Variants in DAGLA observed in about 807,000 individuals in gnomAD.
The protein encoded by DAGLA is diacylglycerol lipase-alpha.
Under a neutral mutation model 102.6 loss-of-function variants are expected in DAGLA, and 22 were observed. The observed-to-expected ratio is 0.21, with a 90% CI of 0.15 to 0.31. The LOEUF (loss-of-function observed/expected upper bound fraction) is 0.31. DAGLA is among the 10% of genes least tolerant of loss of function. The pLI, the probability that DAGLA is intolerant of heterozygous loss-of-function variation, is 1.00. For missense variants in DAGLA, 927 were observed against 1,446.6 expected (o/e 0.64, Z 5.83); for synonymous variants, 578 against 628.9 (o/e 0.92, Z 1.21).
intron 1 of DAGLA, among the ~76,000 whole-genome samples, chr11:61,700,356 C>G (rs1195603520): frequency 6.6e-6 from 1 of 152,234 alleles, no homozygotes; most frequent in Non-Finnish European, 1.5e-5. Flanking sequence ...TTCAACCAGT[C>G]CCTGCCCTGA....
At chr11:61,737,121 G>A in intron 13 of DAGLA, 61 bp from the exon 14 acceptor site, 1 of 1,608,096 alleles carries the variant, frequency 6.2e-7, no homozygotes, top group Non-Finnish European at 8.5e-7. Context: ...CCCTTGGGTT[G>A]GCTAAGACAG....
intron 1 of DAGLA, among the ~76,000 whole-genome samples, chr11:61,691,088 C>T (rs749032717): frequency 5.9e-5 from 9 of 152,196 alleles, no homozygotes; most frequent in East Asian, 3.9e-4. Context: ...ATGGAGGGCT[C>T]GGGGCACCTG....
intron 1 of DAGLA, among the ~76,000 whole-genome samples, chr11:61,696,014 G>C (rs758398673): frequency 6.6e-6 from 1 of 152,226 alleles, no homozygotes; most frequent in African/African-American, 2.4e-5. Context: ...GCCCAAAGAC[G>C]GCAGCCTGCG....
chr11:61,722,265 T>A (rs948852610), intron 3 of DAGLA, among the ~76,000 whole-genome samples: 2 of 152,310 alleles, frequency 1.3e-5, no homozygotes, highest in East Asian at 3.9e-4. Flanking sequence ...ATTCCACAGT[T>A]CAGACATGAT....
intron 5 of DAGLA, 77 bp from the exon 6 acceptor site, chr11:61,725,918 G>A (rs1034294524): frequency 2.2e-6 from 3 of 1,374,034 alleles, no homozygotes; most frequent in Non-Finnish European, 3.1e-6. Context: ...AGCCTGCCCT[G>A]TTTCCATAAC....
chr11:61,690,246 G>A (rs546104578), intron 1 of DAGLA, among the ~76,000 whole-genome samples: 1 of 152,180 alleles, frequency 6.6e-6, no homozygotes. Context: ...TGACACCTTC[G>A]CTGGGACTGG....
chr11:61,688,903 C>T (rs1210974790), intron 1 of DAGLA, among the ~76,000 whole-genome samples: 1 of 152,248 alleles, frequency 6.6e-6, no homozygotes, highest in Non-Finnish European at 1.5e-5. Context: ...TTCTCATCAG[C>T]TTTACTCGGA....
At chr11:61,687,493 G>A (rs1371887401) in intron 1 of DAGLA, among the ~76,000 whole-genome samples, 5 of 152,088 alleles carry the variant, frequency 3.3e-5, no homozygotes, top group African/African-American at 9.7e-5. Context: ...CACCACGTCC[G>A]GCTGATTTTT....
intron 10 of DAGLA, among the ~76,000 whole-genome samples, 183 bp downstream of exon 10, chr11:61,735,185 TG>T (rs1181610022): frequency 5.3e-5 from 8 of 152,164 alleles, no homozygotes; most frequent in African/African-American, 1.9e-4. Flanking sequence ...GACCCTGGCT[TG>T]CCTGTACCAC....
chr11:61,732,839 G>A (rs1240269443), intron 9 of DAGLA, among the ~76,000 whole-genome samples: 6 of 152,120 alleles, frequency 3.9e-5, no homozygotes, highest in Non-Finnish European at 8.8e-5. Flanking sequence ...CATCTGCCTC[G>A]GGCCCAGGCC....
At chr11:61,689,598 G>A (rs994682156) in intron 1 of DAGLA, among the ~76,000 whole-genome samples, 4 of 151,596 alleles carry the variant, frequency 2.6e-5, no homozygotes, top group African/African-American at 9.7e-5. Flanking sequence ...TCTACCTCCT[G>A]GGTTCACGCC....
intron 9 of DAGLA, 111 bp downstream of exon 9, chr11:61,731,552 A>T: frequency 7.1e-7 from 1 of 1,415,882 alleles, no homozygotes; most frequent in South Asian, 1.3e-5. Context: ...CTTCTTTTCT[A>T]CACCTTCTCT....
intron 1 of DAGLA, among the ~76,000 whole-genome samples, chr11:61,707,116 G>A (rs577509379): frequency 3.7e-4 from 56 of 152,298 alleles, no homozygotes; most frequent in African/African-American, 7.9e-4. Context: ...CCAAACTCCC[G>A]CCCCCTCCCT....
chr11:61,714,417 C>T (rs1017428397), intron 1 of DAGLA, among the ~76,000 whole-genome samples: 1 of 152,232 alleles, frequency 6.6e-6, no homozygotes, highest in Non-Finnish European at 1.5e-5. Flanking sequence ...GAGAGCCAGC[C>T]GCAGGTGACT....
intron 1 of DAGLA, among the ~76,000 whole-genome samples, chr11:61,683,089 G>T (rs1040276272): frequency 6.6e-6 from 1 of 152,230 alleles, no homozygotes; most frequent in African/African-American, 2.4e-5. Context: ...GCCCCATGGC[G>T]CTGGAAGTCC....
intron 1 of DAGLA, among the ~76,000 whole-genome samples, chr11:61,699,216 G>C (rs1796715469): frequency 2.0e-5 from 3 of 152,216 alleles, no homozygotes; most frequent in Admixed American, 6.5e-5. Flanking sequence ...TGGTAGAATA[G>C]AACTGGACCA....
chr11:61,690,396 A>T (rs1435810445), intron 1 of DAGLA, among the ~76,000 whole-genome samples: 1 of 152,162 alleles, frequency 6.6e-6, no homozygotes, highest in Non-Finnish European at 1.5e-5. Context: ...GTCCTGAGGG[A>T]GTTCCTGGGT....
chr11:61,701,527 G>A lies in DAGLA; in HGVS notation c.-44-18585G>A, dbSNP rs189927638. Among the ~76,000 whole-genome samples, 17 of 152,346 alleles carry A rather than the reference G, an allele frequency of 1.1e-4. No homozygotes were observed. The East Asian group carries it at 3.3e-3, about 29-fold the overall frequency. Reference sequence around the variant, plus strand: ...GATTCGATGAGCCCCCATGTGGTGGGGATGTGTGCGCGCAGGGGCCCAAGG... The same window carrying A: ...GATTCGATGAGCCCCCATGTGGTGGAGATGTGTGCGCGCAGGGGCCCAAGG... On this transcript the variant is annotated intron_variant, in intron 1 of 19. Coordinates refer to ENST00000257215, the MANE Select transcript of DAGLA (RefSeq NM_006133.3).
intron 16 of DAGLA, among the ~76,000 whole-genome samples, chr11:61,739,110 C>T (rs1041939808): frequency 1.3e-5 from 2 of 152,216 alleles, no homozygotes; most frequent in Admixed American, 6.5e-5. Context: ...TGTGTTTGGC[C>T]TCGGACTTGT....
Sources: allele counts gnomAD v4.1 joint callset (sites outside exome capture counted in the v4.1 genomes callset), GRCh38; gene constraint gnomAD v4.1.1; transcripts MANE v1.5; gene names NCBI Gene and HGNC (gene_info 2026-07-23, HGNC 2026-07-21).